The following NEDD4 variants were observed in gnomAD, a reference collection of about 807,000 sequenced individuals.
NEDD4 encodes the protein NEDD4 E3 ubiquitin protein ligase, also known as E3 ubiquitin-protein ligase NEDD4.
A neutral mutation model predicts 144.9 loss-of-function variants in NEDD4; 99 were observed. That is an observed-to-expected ratio of 0.68 (90% confidence interval 0.58 to 0.81). The LOEUF is 0.81. Among genes scored for constraint, NEDD4 ranks in the 30% least tolerant of loss-of-function variants. The pLI, the probability that NEDD4 is intolerant of heterozygous loss-of-function variation, is 0.00. For synonymous variants in NEDD4, 318 were observed against 350.6 expected (o/e 0.91, Z 1.04); for missense variants, 985 against 1,065.9 (o/e 0.92, Z 1.06).
intron 5 of NEDD4, among the ~76,000 whole-genome samples, chr15:55,907,620 T>C (rs189765688): frequency 2.6e-5 from 4 of 152,350 alleles, no homozygotes; most frequent in Non-Finnish European, 5.9e-5. Flanking sequence ...CAGTAAGCTC[T>C]GTGACTGTTT....
chr15:55,871,037 A>G (rs1297359200), intron 7 of NEDD4, among the ~76,000 whole-genome samples: 3 of 152,034 alleles, frequency 2.0e-5, no homozygotes, highest in Non-Finnish European at 2.9e-5. Context: ...CCCACTCCCA[A>G]GCCTCCCCTA....
intron 26 of NEDD4, among the ~76,000 whole-genome samples, chr15:55,833,765 C>T (rs550391445): frequency 3.3e-5 from 5 of 152,320 alleles, no homozygotes; most frequent in Non-Finnish European, 7.3e-5. Context: ...CAGGTTATTA[C>T]AAGTTCTTTC....
At chr15:55,836,037 A>C (rs544195207) in intron 24 of NEDD4, among the ~76,000 whole-genome samples, 1 of 151,932 alleles carries the variant, frequency 6.6e-6, no homozygotes, top group Non-Finnish European at 1.5e-5. Context: ...AGCATACTCA[A>C]CTGCCTGTGG....
chr15:55,897,075 G>A (rs1434861614), intron 5 of NEDD4, among the ~76,000 whole-genome samples: 1 of 152,084 alleles, frequency 6.6e-6, no homozygotes, highest in Non-Finnish European at 1.5e-5. Flanking sequence ...CCAGGTTCAC[G>A]CCATTCTCCT....
At chr15:55,974,855 C>G (rs56320651) in intron 1 of NEDD4, among the ~76,000 whole-genome samples, 1 of 143,378 alleles carries the variant, frequency 7.0e-6, no homozygotes, top group Non-Finnish European at 1.5e-5. Flanking sequence ...CCTCTATGAT[C>G]TGGAACAAGA....
intron 11 of NEDD4, among the ~76,000 whole-genome samples, chr15:55,859,394 T>C (rs1325275738): frequency 1.3e-5 from 2 of 152,180 alleles, no homozygotes; most frequent in African/African-American, 2.4e-5. Flanking sequence ...ACATCTGTGA[T>C]ATAATGTTAA....
intron 2 of NEDD4, among the ~76,000 whole-genome samples, chr15:55,957,142 T>C (rs2037351159): frequency 6.6e-6 from 1 of 152,214 alleles, no homozygotes; most frequent in South Asian, 2.1e-4. Context: ...AAACACTGAC[T>C]TTGCATTTTG....
intron 5 of NEDD4, among the ~76,000 whole-genome samples, chr15:55,895,287 G>A (rs776548728): frequency 2.0e-5 from 3 of 152,184 alleles, no homozygotes; most frequent in Non-Finnish European, 4.4e-5. Context: ...AGAGGTGGAC[G>A]CTAACATTCT....
chr15:55,981,502 A>G (rs1481828350), intron 1 of NEDD4, among the ~76,000 whole-genome samples: 1 of 152,236 alleles, frequency 6.6e-6, no homozygotes, highest in African/African-American at 2.4e-5. Context: ...CTATAAAAAT[A>G]TAAGTGGAAG....
At chr15:55,902,011 G>T (rs1182684691) in intron 5 of NEDD4, among the ~76,000 whole-genome samples, 1 of 152,058 alleles carries the variant, frequency 6.6e-6, no homozygotes, top group Non-Finnish European at 1.5e-5. Flanking sequence ...CTCTGCCTAG[G>T]AATGAGTAAG....
chr15:55,944,072 C>T (rs1042703992), intron 4 of NEDD4, among the ~76,000 whole-genome samples: 6 of 152,196 alleles, frequency 3.9e-5, no homozygotes, highest in Non-Finnish European at 5.9e-5. Flanking sequence ...GTATGATTGA[C>T]GCAGAAGACG....
intron 8 of NEDD4, among the ~76,000 whole-genome samples, chr15:55,864,452 C>T (rs769720658): frequency 2.5e-4 from 38 of 151,560 alleles, no homozygotes; most frequent in Admixed American, 1.8e-3. Context: ...GAGGCCGAGG[C>T]GGGCAGATCA....
chr15:55,948,044 T>C (rs1352012651), intron 4 of NEDD4, among the ~76,000 whole-genome samples: 4 of 152,156 alleles, frequency 2.6e-5, no homozygotes, highest in African/African-American at 9.7e-5. Flanking sequence ...ATTGTATACT[T>C]AGAAAACCCC....
Position 55,964,288 on chromosome 15 carries a change from CTGT to C in NEDD4, c.119+2182_119+2184del, listed in dbSNP as rs77913535. Among the ~76,000 whole-genome samples, 27 of 151,842 alleles carry C rather than the reference CTGT, an allele frequency of 1.8e-4. 1 individual carries two copies. Among genetic ancestry groups the C allele is most frequent in the Admixed American group, 6.6e-4 (10 of 15,214 alleles). ...TATTAGCTAACAAATCCTCAAGGCT[CTGT>C]TGTTGTTGTTGTTGTTGTTTTTCTC... On this transcript the variant is annotated intron_variant, in intron 2 of 28. Transcript: ENST00000435532.
chr15:55,853,680 G>C (rs961000305), intron 12 of NEDD4, among the ~76,000 whole-genome samples: 1 of 152,074 alleles, frequency 6.6e-6, no homozygotes, highest in African/African-American at 2.4e-5. Flanking sequence ...GTTATTTCCA[G>C]GCTTACTTAA....
chr15:55,951,416 TA>T lies in NEDD4; in HGVS notation c.199-3del. ...TTCATTCCACTTTGGATTCAAACTC[TA>T]AAAAATAATAAACATAGTATAACTA... On this transcript the variant is annotated splice_region_variant and splice_polypyrimidine_tract_variant and intron_variant, in intron 3 of 28. Transcript: ENST00000435532. 3 of 1,098,518 alleles carry T rather than the reference TA, an allele frequency of 2.7e-6. No homozygotes were observed. Among genetic ancestry groups the T allele is most frequent in the South Asian group, 1.6e-5 (1 of 63,954 alleles). The allele number at this position is 1,098,518 out of a possible 1,614,324, so 68.0% of individuals were successfully genotyped here. A position where few individuals can be genotyped will look rare whatever the true frequency, so the allele number is the denominator to read the frequency against.
intron 1 of NEDD4, among the ~76,000 whole-genome samples, chr15:55,977,781 G>T (rs2037731292): frequency 6.6e-6 from 1 of 151,320 alleles, no homozygotes; most frequent in Non-Finnish European, 1.5e-5. Context: ...TTTCTGGAAG[G>T]TCACTGAATA....
intron 5 of NEDD4, among the ~76,000 whole-genome samples, chr15:55,885,916 TAA>T (rs139880232): frequency 1.4e-5 from 2 of 145,460 alleles, no homozygotes; most frequent in Non-Finnish European, 1.5e-5. Flanking sequence ...TGAATAGATT[TAA>T]AAAAAAAAAA....
chr15:55,924,604 G>A lies in NEDD4; in HGVS notation c.291+42C>T, dbSNP rs550789642. 132 of 1,544,644 alleles carry A rather than the reference G, an allele frequency of 8.5e-5. 1 individual carries two copies. In the South Asian group the frequency reaches 1.5e-3, roughly 18 times the overall value. On this transcript the variant is annotated intron_variant, in intron 5 of 28. Coordinates refer to ENST00000435532, the MANE Select transcript of NEDD4 (RefSeq NM_006154.4). Reference sequence around the variant, plus strand: ...CTTCCCCTGGCTGCTCCACTGAAATGTACCCTTACTTCATATTTCATATAA... The same window carrying A: ...CTTCCCCTGGCTGCTCCACTGAAATATACCCTTACTTCATATTTCATATAA...
Sources: allele counts gnomAD v4.1 joint callset (sites outside exome capture counted in the v4.1 genomes callset), GRCh38; gene constraint gnomAD v4.1.1; transcripts MANE v1.5; gene names NCBI Gene and HGNC (gene_info 2026-07-23, HGNC 2026-07-21).